Variants in RARG observed in about 807,000 individuals in gnomAD.
The protein encoded by RARG is RAR-gamma.
A neutral mutation model predicts 43.7 loss-of-function variants in RARG; 17 were observed. The ratio of observed to expected loss-of-function variants is 0.39; its 90% CI spans 0.27 to 0.58. RARG has a LOEUF of 0.58. Among genes scored for constraint, RARG ranks in the 20% least tolerant of loss-of-function variants. RARG has a pLI of 0.57. For missense variants in RARG, 346 were observed against 598.7 expected, an observed-to-expected ratio of 0.58 and a Z score of 4.40; for synonymous variants, 238 against 236.4, an observed-to-expected ratio of 1.01 and a Z score of -0.06.
Position 53,215,425 on chromosome 12 carries a change from G to A in RARG, c.343C>T (p.Arg115Cys). The A allele has an allele frequency of 6.2e-7, 1 of 1,614,062 alleles. No individual in the cohort carries two copies. Among genetic ancestry groups the A allele is most frequent in the Non-Finnish European group, 8.5e-7 (1 of 1,179,986 alleles). Reference protein sequence around the residue: ...SSCEGCKGFFRRSIQKNMVYT... With the variant: ...SSCEGCKGFFCRSIQKNMVYT... The stretch of plus-strand genomic sequence containing the variant: ...ACCATGTTCTTCTGGATGCTTCGGC[G>A]AAAGAAGCCCTGGAGTTGAGGGAAA... Residue 115 changes from arginine to cysteine, a missense_variant, in exon 5 of 10, where the codon CGC becomes TGC. Arg to Cys is a radical substitution (Grantham distance 180, BLOSUM62 -3). Coordinates refer to ENST00000425354, the MANE Select transcript of RARG (RefSeq NM_000966.6). This position sits in a 1 kb window ranked among gnomAD's most constrained non-coding sequence, Gnocchi z 6.4.
chr12:53,223,533 C>CG (rs1943035051), intron 3 of RARG, among the ~76,000 whole-genome samples: 1 of 147,766 alleles, frequency 6.8e-6, no homozygotes, highest in South Asian at 2.3e-4. Context: ...GCCCCCCCCC[C>CG]GCCCAAGAGG....
chr12:53,228,383 A>G (rs1449364378), intron 2 of RARG, among the ~76,000 whole-genome samples: 1 of 152,214 alleles, frequency 6.6e-6, no homozygotes, highest in African/African-American at 2.4e-5. Flanking sequence ...AAATTAACCA[A>G]TGTCAAGTGT....
In RARG at chr12:53,213,075, C is replaced by G; in HGVS notation, c.1177+10G>C. On this transcript the variant is annotated intron_variant, in intron 9 of 9. Transcript: ENST00000425354. The surrounding 1 kb of genome is among the most constrained non-coding windows in gnomAD (Gnocchi z 4.7). ...GGAAGACAGAGAGGGGACACCCACT[C>G]ATGACTCACCCTTAGTGCTGATGCC... 1 of 1,606,622 alleles carries G rather than the reference C, an allele frequency of 6.2e-7. No individual in the cohort carries two copies. The highest frequency in any genetic ancestry group is 8.5e-7 in the Non-Finnish European group (1 of 1,175,822).
At position 53,213,871 on chromosome 12, in the gene RARG, G is replaced by A. The variant is rs1592427661; in HGVS notation, c.814-171C>T. 4 of 1,064,526 alleles carry A rather than the reference G, an allele frequency of 3.8e-6. No individual in the cohort carries two copies. In the East Asian group the frequency reaches 7.1e-5, roughly 19 times the overall value. The allele number at this position is 1,064,526 out of a possible 1,614,324, so 65.9% of individuals were successfully genotyped here. A position where few individuals can be genotyped will look rare whatever the true frequency, so the allele number is the denominator to read the frequency against. On this transcript the variant is annotated intron_variant, in intron 7 of 9. Transcript: ENST00000425354. The surrounding 1 kb of genome is among the most constrained non-coding windows in gnomAD (Gnocchi z 4.7). Reference sequence around the variant, plus strand: ...GGCAGGGGTAGTCCCGGGAAGTCAGGAGGAGACAGGGCATCCAAAAGTCTA... The same window carrying A: ...GGCAGGGGTAGTCCCGGGAAGTCAGAAGGAGACAGGGCATCCAAAAGTCTA...
intron 9 of RARG, among the ~76,000 whole-genome samples, chr12:53,212,737 T>TATAC (rs1272930364): frequency 0.027 from 3,614 of 133,692 alleles, 108 homozygotes; most frequent in African/African-American, 0.086. Flanking sequence ...AATATATATA[T>TATAC]ACACACACAC....
At chr12:53,230,724 A>G (rs963964472) in intron 2 of RARG, among the ~76,000 whole-genome samples, 3 of 137,930 alleles carry the variant, frequency 2.2e-5, no homozygotes, top group Admixed American at 7.1e-5. Flanking sequence ...AGGGTGGGGC[A>G]GAGGGGGGAA....
In RARG at chr12:53,213,708, TG is replaced by T; in HGVS notation, c.814-9del. On this transcript the variant is annotated splice_polypyrimidine_tract_variant and intron_variant, in intron 7 of 9. Coordinates refer to ENST00000425354, the MANE Select transcript of RARG (RefSeq NM_000966.6). The surrounding 1 kb of genome is among the most constrained non-coding windows in gnomAD (Gnocchi z 4.7). The stretch of plus-strand genomic sequence containing the variant: ...TGTGCAGATACGCAGCATCTGGAGG[TG>T]GGGGGTGGAGGAGGGTTAGTGCTGT... The T allele has an allele frequency of 1.9e-6, 3 of 1,576,598 alleles. No individual in the cohort carries two copies. Among genetic ancestry groups the T allele is most frequent in the Non-Finnish European group, 2.6e-6 (3 of 1,157,712 alleles).
chr12:53,217,457 T>C (rs886401813), intron 3 of RARG, among the ~76,000 whole-genome samples: 1 of 152,200 alleles, frequency 6.6e-6, no homozygotes, highest in Non-Finnish European at 1.5e-5. Context: ...TTTCCTCTCT[T>C]GCGCAAGGGC....
chr12:53,217,147 C>T (rs1240020873), intron 3 of RARG, among the ~76,000 whole-genome samples: 1 of 152,098 alleles, frequency 6.6e-6, no homozygotes, highest in Non-Finnish European at 1.5e-5. Flanking sequence ...TACCCACCCC[C>T]AACACACATA....
chr12:53,216,972 C>T (rs918274652), intron 3 of RARG, among the ~76,000 whole-genome samples: 1 of 152,026 alleles, frequency 6.6e-6, no homozygotes, highest in Non-Finnish European at 1.5e-5. Context: ...TAAGACCCTC[C>T]CTAAGGTGTG....
At chr12:53,220,281 A>T in intron 3 of RARG, 26 of 1,184,628 alleles carry the variant, frequency 2.2e-5, no homozygotes, top group East Asian at 1.4e-4. Flanking sequence ...AGCAGGGGAA[A>T]GGGACTGGGC....
intron 3 of RARG, among the ~76,000 whole-genome samples, chr12:53,222,057 GTGGATGGCGAGGAAACCTC>G (rs921550620): frequency 2.0e-5 from 3 of 152,178 alleles, no homozygotes; most frequent in African/African-American, 7.2e-5. Context: ...GGCCTGACTT[GTGGATGGCGAGGAAACCTC>G]GGGGTGGCAA....
intron 9 of RARG, among the ~76,000 whole-genome samples, chr12:53,212,709 C>T (rs1037248276): frequency 1.3e-5 from 2 of 150,512 alleles, no homozygotes; most frequent in East Asian, 3.9e-4. Flanking sequence ...AAGCAATTTG[C>T]CCAAGACTTT....
chr12:53,216,485 G>A (rs1318788477), intron 3 of RARG, among the ~76,000 whole-genome samples: 1 of 152,152 alleles, frequency 6.6e-6, no homozygotes, highest in African/African-American at 2.4e-5. Flanking sequence ...CACAGCCTTG[G>A]TTCACGCCTG....
At chr12:53,214,018 T>C (rs1942684926) in intron 7 of RARG, 41 bp downstream of exon 7, 4 of 1,583,318 alleles carry the variant, frequency 2.5e-6, no homozygotes, top group Non-Finnish European at 2.6e-6. Context: ...GGGTCCCATA[T>C]GTGGGTCGGG....
intron 5 of RARG, chr12:53,214,946 G>T (rs536634490): frequency 3.4e-5 from 14 of 408,694 alleles, no homozygotes; most frequent in Admixed American, 1.2e-4. Flanking sequence ...GCGAGGGGGG[G>T]GTGGAGAGGA....
intron 3 of RARG, among the ~76,000 whole-genome samples, chr12:53,224,658 G>A (rs2120716595): frequency 6.6e-6 from 1 of 151,938 alleles, no homozygotes; most frequent in Middle Eastern, 3.4e-3. Context: ...CTACCACTAG[G>A]TGCTGCATGC....
chr12:53,220,565 T>C (rs941138), intron 3 of RARG, among the ~76,000 whole-genome samples: 17,216 of 152,040 alleles, frequency 0.11, 1,109 homozygotes, highest in South Asian at 0.23. Flanking sequence ...TTTGCAAATA[T>C]GCAAGAGTGA....
intron 3 of RARG, among the ~76,000 whole-genome samples, chr12:53,222,278 A>C (rs1942993348): frequency 6.8e-6 from 1 of 147,696 alleles, no homozygotes; most frequent in Non-Finnish European, 1.5e-5. Flanking sequence ...AAAGGAAGAA[A>C]GAGAAAGGAG....
Sources: gnomAD v4.1 joint callset for allele counts (sites outside exome capture counted in the v4.1 genomes callset) on GRCh38, gnomAD v4.1.1 for gene constraint, Gnocchi (gnomAD v3.1) non-coding constraint, MANE v1.5 for transcripts, NCBI Gene and HGNC (gene_info 2026-07-23, HGNC 2026-07-21) for gene names.